FERMT2: variants seen among roughly 807,000 people sequenced by gnomAD.
FERMT2 encodes FERM domain containing kindlin 2.
In FERMT2, 15 loss-of-function variants were observed where a neutral mutation model predicts 82.7. The ratio of observed to expected loss-of-function variants is 0.18; its 90% confidence interval spans 0.12 to 0.28. FERMT2 has a LOEUF of 0.28. Ranked by LOEUF, FERMT2 falls within the 10% of genes least tolerant of loss-of-function variation. FERMT2 has a pLI of 1.00. For missense variants in FERMT2, 645 were observed against 809.4 expected, an observed-to-expected ratio of 0.80 and a Z score of 2.46; for synonymous variants, 274 against 271.5, an observed-to-expected ratio of 1.01 and a Z score of -0.09.
rs1413078012 is a variant in FERMT2, at chr14:52,924,182, G to A, written c.158-4826C>T. Among the ~76,000 whole-genome samples the A allele has an allele frequency of 2.0e-5, 3 of 152,208 alleles. No homozygotes were observed. The East Asian group carries it at 5.8e-4, about 29-fold the overall frequency. ...CAAAACAAAGTTCCAGCACCATTGA[G>A]GGAGACCAAGGTGGCTAGAGGAGAG... On this transcript the variant is annotated intron_variant, in intron 2 of 14. Coordinates refer to ENST00000341590, the MANE Select transcript of FERMT2 (RefSeq NM_006832.3).
intron 2 of FERMT2, among the ~76,000 whole-genome samples, chr14:52,946,539 G>C (rs1372560361): frequency 6.6e-6 from 1 of 152,096 alleles, no homozygotes; most frequent in African/African-American, 2.4e-5. Flanking sequence ...TGTAGTTCCA[G>C]CTACTCAGGA....
intron 4 of FERMT2, among the ~76,000 whole-genome samples, chr14:52,885,140 C>A (rs1033893203): frequency 1.3e-5 from 2 of 151,696 alleles, no homozygotes; most frequent in African/African-American, 4.8e-5. Context: ...TGGTGAAACC[C>A]CGTCTCTACT....
intron 3 of FERMT2, among the ~76,000 whole-genome samples, chr14:52,902,126 CT>C (rs2139580920): frequency 6.6e-6 from 1 of 152,332 alleles, no homozygotes; most frequent in African/African-American, 2.4e-5. Flanking sequence ...GGCACGGTGG[CT>C]TACGCCTGTA....
At chr14:52,940,758 T>C (rs1001622036) in intron 2 of FERMT2, among the ~76,000 whole-genome samples, 1 of 152,012 alleles carries the variant, frequency 6.6e-6, no homozygotes, top group African/African-American at 2.4e-5. Flanking sequence ...AAATGCAAAT[T>C]AAAATCACAA....
At chr14:52,889,400 A>C (rs59408237) in intron 4 of FERMT2, among the ~76,000 whole-genome samples, 1 of 152,310 alleles carries the variant, frequency 6.6e-6, no homozygotes, top group African/African-American at 2.4e-5. Context: ...CAGAAATAAA[A>C]GCAGCTGCAG....
intron 2 of FERMT2, among the ~76,000 whole-genome samples, chr14:52,930,202 A>G (rs1441139326): frequency 1.3e-5 from 2 of 152,194 alleles, no homozygotes; most frequent in Non-Finnish European, 2.9e-5. Context: ...AGAAAAAGGA[A>G]ATAAAACTGA....
At chr14:52,948,634 T>G in intron 2 of FERMT2, 1 of 449,858 alleles carries the variant, frequency 2.2e-6, no homozygotes, top group Non-Finnish European at 4.4e-6. Context: ...TTATAGTCAT[T>G]TAAATTAACA....
At chr14:52,864,657 C>T (rs763470096) in intron 11 of FERMT2, 35 bp from the exon 12 acceptor site, 15 of 1,589,812 alleles carry the variant, frequency 9.4e-6, no homozygotes, top group African/African-American at 4.0e-5. Flanking sequence ...TGCAATGTAT[C>T]ACGAGGTGGG....
At chr14:52,899,640 G>T (rs757730920) in intron 3 of FERMT2, among the ~76,000 whole-genome samples, 7 of 152,302 alleles carry the variant, frequency 4.6e-5, no homozygotes, top group Non-Finnish European at 7.4e-5. Context: ...TAGCAAGAAT[G>T]ACTTATTTTT....
At chr14:52,858,642 C>T (rs1884709595) in intron 14 of FERMT2, 92 bp from the exon 15 acceptor site, 1 of 1,124,614 alleles carries the variant, frequency 8.9e-7, no homozygotes, top group Non-Finnish European at 1.3e-6. Context: ...TCTGTCATAT[C>T]ACAAAACACT....
chr14:52,912,578 A>G (rs1888383963), intron 3 of FERMT2, among the ~76,000 whole-genome samples: 1 of 149,330 alleles, frequency 6.7e-6, no homozygotes, highest in South Asian at 2.1e-4. Context: ...TGGTGTCATC[A>G]TGGCTCACTG....
At position 52,860,974 on chromosome 14, in the gene FERMT2, A is replaced by T. The variant is rs1594922472; in HGVS notation, c.1603-509T>A. ...GGGAAGGTTGTGGCTATGAATTTTT[A>T]TTTATTCTTTTTCTTTTGTGGTAAA... is the stretch of plus-strand genomic sequence containing the variant. On this transcript the variant is annotated intron_variant, in intron 12 of 14. Transcript: ENST00000341590. 5 of 1,450,182 alleles carry T rather than the reference A, an allele frequency of 3.4e-6. No individual in the cohort carries two copies. In the East Asian group the frequency reaches 1.3e-4, roughly 37 times the overall value. 89.8% of individuals were successfully genotyped at this position (1,450,182 alleles called of 1,614,324 possible). A position where few individuals can be genotyped will look rare whatever the true frequency, so the allele number is the denominator to read the frequency against.
At position 52,890,386 on chromosome 14, in the gene FERMT2, G is replaced by A. The variant is rs1302589435; in HGVS notation, c.526+2907C>T. Among the ~76,000 whole-genome samples the A allele has an allele frequency of 3.4e-5, 5 of 146,874 alleles. No individual in the cohort carries two copies. In the Admixed American group the frequency reaches 3.4e-4, roughly 10 times the overall value. On this transcript the variant is annotated intron_variant, in intron 4 of 14. Transcript: ENST00000341590. ...TTGAACCCAGGAGGCGGAGGTTGCA[G>A]TGAGCCGAGATCGCAGCCACTGCAC...
At chr14:52,883,081 A>G (rs925569932) in intron 4 of FERMT2, among the ~76,000 whole-genome samples, 1 of 152,136 alleles carries the variant, frequency 6.6e-6, no homozygotes, top group African/African-American at 2.4e-5. Flanking sequence ...GCTATTCGGG[A>G]GGCGAAGGCT....
At chr14:52,893,032 C>T (rs1031931784) in intron 4 of FERMT2, among the ~76,000 whole-genome samples, 3 of 152,236 alleles carry the variant, frequency 2.0e-5, no homozygotes, top group East Asian at 1.9e-4. Context: ...GAGTCTCACT[C>T]TGTCACCCAG....
At chr14:52,950,320 C>A (rs1890567907) in intron 2 of FERMT2, 92 bp downstream of exon 2, 1 of 1,338,876 alleles carries the variant, frequency 7.5e-7, no homozygotes, top group Non-Finnish European at 1.0e-6. Context: ...GCCAAGATTT[C>A]TCAAATGGGC....
intron 2 of FERMT2, among the ~76,000 whole-genome samples, chr14:52,926,102 C>G (rs192492440): frequency 2.2e-4 from 33 of 152,038 alleles, no homozygotes; most frequent in Admixed American, 2.6e-4. Flanking sequence ...TGAAGCTTTC[C>G]TCTAGCTAAA....
intron 3 of FERMT2, among the ~76,000 whole-genome samples, chr14:52,911,561 G>GA (rs1354580960): frequency 3.3e-5 from 5 of 152,044 alleles, no homozygotes; most frequent in Middle Eastern, 3.4e-3. Flanking sequence ...TGAGGCAGGA[G>GA]AATGGCGTGA....
At chr14:52,908,322 G>A (rs147220174) in intron 3 of FERMT2, among the ~76,000 whole-genome samples, 332 of 152,222 alleles carry the variant, frequency 2.2e-3, no homozygotes, top group Non-Finnish European at 4.0e-3. Context: ...GAAACCTACC[G>A]TAGTTTTTAT....
Sources: gnomAD v4.1 joint callset for allele counts (sites outside exome capture counted in the v4.1 genomes callset) on GRCh38, gnomAD v4.1.1 for gene constraint, MANE v1.5 for transcripts, NCBI Gene and HGNC (gene_info 2026-07-23, HGNC 2026-07-21) for gene names.